The following RBMS2 variants were observed in gnomAD, a reference collection of about 807,000 sequenced individuals.
RBMS2 encodes the protein RNA-binding motif, single-stranded-interacting protein 2.
Under a neutral mutation model 58.4 loss-of-function variants are expected in RBMS2, and 38 were observed. That is an observed-to-expected ratio of 0.65 (90% confidence interval 0.50 to 0.85). The LOEUF is 0.85. Among genes scored for constraint, RBMS2 ranks in the 40% least tolerant of loss-of-function variants. RBMS2 has a pLI of 0.00. For missense variants in RBMS2, 367 were observed against 503.7 expected (o/e 0.73, Z 2.60); for synonymous variants, 151 against 180.7 (o/e 0.84, Z 1.32).
chr12:56,583,705 C>T (rs530461723), intron 9 of RBMS2, among the ~76,000 whole-genome samples: 11 of 152,048 alleles, frequency 7.2e-5, no homozygotes, highest in South Asian at 6.2e-4. Context: ...TAAAGTACAT[C>T]GTTATTTTAA....
At chr12:56,558,557 CTTCCTTCCTTCT>C (rs1213561666) in intron 1 of RBMS2, among the ~76,000 whole-genome samples, 147 of 125,898 alleles carry the variant, frequency 1.2e-3, no homozygotes, top group African/African-American at 4.1e-3. Flanking sequence ...CCCTCCCTCC[CTTCCTTCCTTCT>C]TTCCTTCCTT....
At chr12:56,537,352 T>C (rs1592343112) in intron 1 of RBMS2, among the ~76,000 whole-genome samples, 1 of 152,188 alleles carries the variant, frequency 6.6e-6, no homozygotes, top group Non-Finnish European at 1.5e-5. Context: ...CTCCACATTC[T>C]CCTCTCCCTC....
At chr12:56,566,778 A>C (rs1298506024) in intron 2 of RBMS2, among the ~76,000 whole-genome samples, 1 of 152,182 alleles carries the variant, frequency 6.6e-6, no homozygotes, top group Non-Finnish European at 1.5e-5. Flanking sequence ...AGATCACGCC[A>C]CTGCACTCCA....
chr12:56,566,860 T>C (rs1443306779), intron 2 of RBMS2, among the ~76,000 whole-genome samples: 2 of 152,002 alleles, frequency 1.3e-5, no homozygotes, highest in African/African-American at 4.8e-5. Context: ...AAATATAAAA[T>C]GAATATGTGT....
intron 1 of RBMS2, among the ~76,000 whole-genome samples, chr12:56,532,266 G>C (rs1305747754): frequency 6.6e-6 from 1 of 151,006 alleles, no homozygotes; most frequent in East Asian, 2.0e-4. Context: ...AAATTGGCCA[G>C]GTGCGGTGGC....
At chr12:56,575,382 A>G (rs559920650) in intron 5 of RBMS2, among the ~76,000 whole-genome samples, 1 of 151,968 alleles carries the variant, frequency 6.6e-6, no homozygotes, top group East Asian at 1.9e-4. Flanking sequence ...AACTGCAGTC[A>G]ACCATGATCA....
rs371395600 is a variant in RBMS2 at position 56,566,830 on chromosome 12, A to G, written c.234-2145A>G. ...TGAAACTCTGTTTCAGAAAACAAAAAGAAAACACAACTGTCATGCAAATAT... is the reference window on the plus strand; with the variant it reads ...TGAAACTCTGTTTCAGAAAACAAAAGGAAAACACAACTGTCATGCAAATAT... On this transcript the variant is annotated intron_variant, in intron 2 of 13. Coordinates refer to ENST00000262031, the MANE Select transcript of RBMS2 (RefSeq NM_002898.4). Among the ~76,000 whole-genome samples the G allele has an allele frequency of 2.5e-4, 38 of 152,308 alleles. 1 individual carries two copies. The highest frequency in any genetic ancestry group is 8.4e-4 in the African/African-American group (35 of 41,550).
chr12:56,567,887 A>T (rs1476712594), intron 2 of RBMS2, among the ~76,000 whole-genome samples: 1 of 151,792 alleles, frequency 6.6e-6, no homozygotes, highest in Non-Finnish European at 1.5e-5. Context: ...CCTCCCTAAC[A>T]CTCTCAAATC....
intron 1 of RBMS2, chr12:56,539,887 G>T: frequency 4.2e-6 from 1 of 235,820 alleles, no homozygotes. Context: ...TTACATTCCA[G>T]CTTCACTGGC....
At chr12:56,527,176 C>G (rs1389790843) in intron 1 of RBMS2, among the ~76,000 whole-genome samples, 1 of 152,162 alleles carries the variant, frequency 6.6e-6, no homozygotes, top group Non-Finnish European at 1.5e-5. Context: ...AGAGAATTTT[C>G]TCTGTGTATG....
intron 5 of RBMS2, among the ~76,000 whole-genome samples, chr12:56,578,765 G>A (rs935437120): frequency 3.3e-5 from 5 of 151,916 alleles, no homozygotes; most frequent in African/African-American, 9.7e-5. Context: ...AGAAGTTTGA[G>A]ACCAGCCTGG....
intron 1 of RBMS2, among the ~76,000 whole-genome samples, chr12:56,536,757 C>T (rs937763385): frequency 2.6e-5 from 4 of 151,270 alleles, no homozygotes; most frequent in African/African-American, 7.3e-5. Flanking sequence ...TCAGTGGAGA[C>T]GGGGTTTCAC....
At position 56,593,549 on chromosome 12, in the gene RBMS2, T is replaced by C. The variant is rs1885460866; in HGVS notation, c.*4416T>C. Reference sequence around the variant, plus strand: ...ACACCTGGCCTTTTCAGTTTTTTTATTTTTATTTTTTCTTTGAGACGGAGT... The same window carrying C: ...ACACCTGGCCTTTTCAGTTTTTTTACTTTTATTTTTTCTTTGAGACGGAGT... On this transcript the variant is annotated 3_prime_UTR_variant, in exon 14 of 14. Coordinates refer to ENST00000262031, the MANE Select transcript of RBMS2 (RefSeq NM_002898.4). 1 of 145,370 alleles carries C rather than the reference T, an allele frequency of 6.9e-6. No homozygotes were observed. The highest frequency in any genetic ancestry group is 1.5e-5 in the Non-Finnish European group (1 of 66,212). 9.0% of individuals were successfully genotyped at this position (145,370 alleles called of 1,614,324 possible). A position where few individuals can be genotyped will look rare whatever the true frequency, so the allele number is the denominator to read the frequency against.
At chr12:56,563,757 G>C (rs112467694) in intron 2 of RBMS2, among the ~76,000 whole-genome samples, 3 of 152,110 alleles carry the variant, frequency 2.0e-5, no homozygotes, top group African/African-American at 7.2e-5. Context: ...GGGCAACATA[G>C]TGAGACCTTG....
In RBMS2 at chr12:56,592,662, C is replaced by G. The variant is rs2136636685; in HGVS notation, c.*3529C>G. On this transcript the variant is annotated 3_prime_UTR_variant, in exon 14 of 14. Coordinates refer to ENST00000262031, the MANE Select transcript of RBMS2 (RefSeq NM_002898.4). ...TGTAGCTGGGATTACAGGCACCCAC[C>G]ACCATGCCCGGCTAATTTTTTTATT... The G allele has an allele frequency of 6.6e-6, 1 of 152,322 alleles. No individual in the cohort carries two copies. The highest frequency in any genetic ancestry group is 1.5e-5 in the Non-Finnish European group (1 of 68,092). 9.4% of individuals were successfully genotyped at this position (152,322 alleles called of 1,614,324 possible).
At chr12:56,536,922 CTTT>C (rs975256484) in intron 1 of RBMS2, among the ~76,000 whole-genome samples, 2 of 131,634 alleles carry the variant, frequency 1.5e-5, no homozygotes, top group Non-Finnish European at 1.6e-5. Flanking sequence ...CCATCTTGAA[CTTT>C]TTTTTTTTTT....
Position 56,581,437 on chromosome 12 carries a change from G to A in RBMS2, c.661G>A (p.Gly221Arg), listed in dbSNP as rs761930252. 24 of 1,614,044 alleles carry A rather than the reference G, an allele frequency of 1.5e-5. No homozygotes were observed. Among genetic ancestry groups the A allele is most frequent in the East Asian group, 1.1e-4 (5 of 44,902 alleles). The change falls in exon 7 of 14, where the codon GGG (glycine) becomes AGG (arginine). Residue 221 changes from glycine to arginine, a missense_variant. Transcript: ENST00000262031. ...CTTGCTTTGCAAATTTGCTGATGGC[G>A]GGCCAAAGAAACGACAGAACCAAGG... ...DPLLCKFADG[G>R]PKKRQNQGKF...
rs71081378 is a variant in RBMS2 at position 56,547,652 on chromosome 12, C to CTT, written c.67-14751_67-14750dup. Among the ~76,000 whole-genome samples, 179 of 137,970 alleles carry CTT rather than the reference C, an allele frequency of 1.3e-3. 2 individuals are homozygous for CTT. The highest frequency in any genetic ancestry group is 7.2e-3 in the Middle Eastern group (2 of 276). The allele number at this position is 137,970 out of a possible 152,430, so 90.5% of individuals were successfully genotyped here. On this transcript the variant is annotated intron_variant, in intron 1 of 13. Coordinates refer to ENST00000262031, the MANE Select transcript of RBMS2 (RefSeq NM_002898.4). ...TATTTTGTTCTGCTACTTTTCTTTT[C>CTT]TTTTTTTTTTTTTTTGAGACAGTTT...
At chr12:56,568,845 T>G (rs1455085810) in intron 2 of RBMS2, 130 bp from the exon 3 acceptor site, 1 of 800,354 alleles carries the variant, frequency 1.2e-6, no homozygotes, top group Non-Finnish European at 1.9e-6. Context: ...TTCTTTTTTA[T>G]TTTTATGAAG....
Sources: gnomAD v4.1 joint callset for allele counts (sites outside exome capture counted in the v4.1 genomes callset) on GRCh38, gnomAD v4.1.1 for gene constraint, MANE v1.5 for transcripts, NCBI Gene and HGNC (gene_info 2026-07-23, HGNC 2026-07-21) for gene names.